PHF14: variants seen among roughly 807,000 people sequenced by gnomAD.
PHF14 encodes the protein PHD finger protein 14.
PHF14 carries 55 observed loss-of-function variants against 117.9 expected under a neutral mutation model. That is an observed-to-expected ratio of 0.47 (90% confidence interval 0.38 to 0.58). PHF14 has a LOEUF of 0.58. Ranked by LOEUF, PHF14 falls within the 20% of genes least tolerant of loss-of-function variation. The pLI is 0.00. For synonymous variants in PHF14, 409 were observed against 368.6 expected, an observed-to-expected ratio of 1.11 and a Z score of -1.26; for missense variants, 978 against 1,122.2, an observed-to-expected ratio of 0.87 and a Z score of 1.84.
intron 2 of PHF14, among the ~76,000 whole-genome samples, chr7:10,978,784 C>A (rs975033609): frequency 2.6e-5 from 4 of 152,106 alleles, no homozygotes; most frequent in African/African-American, 9.7e-5. Flanking sequence ...ACTATTGTTT[C>A]CAGACATTGC....
intron 4 of PHF14, among the ~76,000 whole-genome samples, chr7:11,011,972 T>C (rs775666056): frequency 9.2e-5 from 14 of 152,202 alleles, no homozygotes; most frequent in Non-Finnish European, 1.9e-4. Context: ...TATTATACTT[T>C]GGTGGTAGTA....
rs1562445915 is a variant in PHF14 at position 11,061,778 on chromosome 7, T to G, written c.2482-13T>G. On this transcript the variant is annotated splice_polypyrimidine_tract_variant and intron_variant, in intron 14 of 17. Coordinates refer to ENST00000634607, the MANE Select transcript of PHF14 (RefSeq NM_001007157.2). ...GATTTTTGTTTTTTGTTTTTTTTTT[T>G]GTTTTTTTCCAGAGAACCAGAGGAC... 5 of 1,494,822 alleles carry G rather than the reference T, an allele frequency of 3.3e-6. No homozygotes were observed. Among genetic ancestry groups the G allele is most frequent in the South Asian group, 2.7e-5 (2 of 72,806 alleles). The allele number at this position is 1,494,822 out of a possible 1,614,324, so 92.6% of individuals were successfully genotyped here.
Position 11,051,478 on chromosome 7 carries a change from A to G in PHF14, c.2313-134A>G, listed in dbSNP as rs554563349. On this transcript the variant is annotated intron_variant, in intron 13 of 17. Transcript: ENST00000634607. ...ATTTCTGAATGTTTTTTCATTATGTACCCTATAATCACATTACCTGTGTAT... is the reference window on the plus strand; with the variant it reads ...ATTTCTGAATGTTTTTTCATTATGTGCCCTATAATCACATTACCTGTGTAT... The G allele has an allele frequency of 6.3e-5, 41 of 653,302 alleles. No individual in the cohort carries two copies. In the African/African-American group the frequency reaches 6.7e-4, roughly 11 times the overall value. 40.5% of individuals were successfully genotyped at this position (653,302 alleles called of 1,614,324 possible).
intron 17 of PHF14, among the ~76,000 whole-genome samples, chr7:11,117,593 T>G (rs1021144736): frequency 8.6e-5 from 13 of 151,286 alleles, no homozygotes; most frequent in Admixed American, 1.3e-4. Context: ...AAATATGTAT[T>G]TATATGTATA....
intron 16 of PHF14, among the ~76,000 whole-genome samples, chr7:11,100,637 G>A (rs1474303829): frequency 1.3e-5 from 2 of 151,934 alleles, no homozygotes; most frequent in Admixed American, 1.3e-4. Flanking sequence ...ATGCCAGTCA[G>A]TGTGCTAGTG....
At chr7:11,061,760 G>A in intron 14 of PHF14, 31 bp from the exon 15 acceptor site, 1 of 1,469,692 alleles carries the variant, frequency 6.8e-7, no homozygotes, top group Non-Finnish European at 9.0e-7. Flanking sequence ...GTGGATTTTT[G>A]TTTTTTGTTT....
chr7:11,000,685 C>T (rs1383179075), intron 4 of PHF14, among the ~76,000 whole-genome samples: 1 of 152,088 alleles, frequency 6.6e-6, no homozygotes, highest in Non-Finnish European at 1.5e-5. Context: ...CTATTCAGAT[C>T]TTTTGCCCAT....
At chr7:11,149,598 C>A (rs1788649381) in intron 17 of PHF14, among the ~76,000 whole-genome samples, 1 of 152,056 alleles carries the variant, frequency 6.6e-6, no homozygotes. Context: ...TTTAATATAT[C>A]AGTTTTCTCT....
chr7:11,030,845 T>C (rs1404857579), intron 7 of PHF14, among the ~76,000 whole-genome samples: 2 of 152,206 alleles, frequency 1.3e-5, no homozygotes, highest in African/African-American at 2.4e-5. Flanking sequence ...ATATATATGT[T>C]ACTGGTTTCT....
chr7:11,152,435 C>T (rs1039449774), intron 17 of PHF14, among the ~76,000 whole-genome samples: 16 of 151,956 alleles, frequency 1.1e-4, no homozygotes, highest in East Asian at 9.7e-4. Flanking sequence ...TTATAAATAA[C>T]GAACGTAAAT....
intron 4 of PHF14, among the ~76,000 whole-genome samples, chr7:11,008,626 A>G (rs867467154): frequency 6.6e-6 from 1 of 152,226 alleles, no homozygotes; most frequent in Non-Finnish European, 1.5e-5. Context: ...ATTGTTTTCC[A>G]CGAAACCAGC....
intron 16 of PHF14, among the ~76,000 whole-genome samples, chr7:11,086,297 G>A (rs565263903): frequency 2.4e-4 from 36 of 152,280 alleles, no homozygotes; most frequent in African/African-American, 8.4e-4. Flanking sequence ...CCCAGCCTCA[G>A]TCTGTCTTTT....
At chr7:11,000,527 T>C (rs1053018518) in intron 4 of PHF14, among the ~76,000 whole-genome samples, 2 of 151,836 alleles carry the variant, frequency 1.3e-5, no homozygotes, top group Non-Finnish European at 2.9e-5. Flanking sequence ...TTAGTAGAGA[T>C]GGGGTTTTGC....
chr7:11,009,282 C>T (rs2128315042), intron 4 of PHF14, among the ~76,000 whole-genome samples: 1 of 152,202 alleles, frequency 6.6e-6, no homozygotes, highest in South Asian at 2.1e-4. Flanking sequence ...AGTCCACTGG[C>T]CCCTGTGTGA....
At chr7:10,984,905 A>G (rs1020378258) in intron 3 of PHF14, among the ~76,000 whole-genome samples, 3 of 152,250 alleles carry the variant, frequency 2.0e-5, no homozygotes, top group African/African-American at 7.2e-5. Flanking sequence ...ACACAAACAC[A>G]TTCCAGGAAT....
intron 17 of PHF14, among the ~76,000 whole-genome samples, chr7:11,168,567 A>T (rs1216791017): frequency 6.6e-6 from 1 of 152,204 alleles, no homozygotes; most frequent in Non-Finnish European, 1.5e-5. Flanking sequence ...TTGTCTAGAA[A>T]TACTTAAATT....
chr7:10,990,594 C>T (rs1217102919), intron 3 of PHF14, 109 bp from the exon 4 acceptor site: 1 of 626,924 alleles, frequency 1.6e-6, no homozygotes, highest in East Asian at 2.8e-5. Flanking sequence ...ATGGGGCATA[C>T]ATTTGGAAAT....
intron 16 of PHF14, among the ~76,000 whole-genome samples, chr7:11,086,611 C>T (rs1786419432): frequency 1.3e-5 from 2 of 151,886 alleles, no homozygotes; most frequent in African/African-American, 2.4e-5. Flanking sequence ...TAGTATGCCC[C>T]CAGTACATAA....
intron 3 of PHF14, among the ~76,000 whole-genome samples, chr7:10,984,544 A>G (rs1001986546): frequency 1.3e-5 from 2 of 152,190 alleles, no homozygotes; most frequent in Non-Finnish European, 2.9e-5. Flanking sequence ...AGTTTACGTT[A>G]TAGCAGTTAA....
Sources: gnomAD v4.1 joint callset for allele counts (sites outside exome capture counted in the v4.1 genomes callset) on GRCh38, gnomAD v4.1.1 for gene constraint, MANE v1.5 for transcripts, NCBI Gene and HGNC (gene_info 2026-07-23, HGNC 2026-07-21) for gene names.